L3MBTL3: variants seen among roughly 807,000 people sequenced by gnomAD.
L3MBTL3 encodes the protein L3MBTL histone methyl-lysine binding protein 3.
Under a neutral mutation model 102.3 loss-of-function variants are expected in L3MBTL3, and 27 were observed. That is an observed-to-expected ratio of 0.26 (90% CI 0.19 to 0.36). The LOEUF is 0.36. L3MBTL3 is among the 10% of genes least tolerant of loss of function. L3MBTL3 has a pLI of 1.00. For synonymous variants in L3MBTL3, 340 were observed against 320.9 expected, an observed-to-expected ratio of 1.06 and a Z score of -0.64; for missense variants, 798 against 955.3, an observed-to-expected ratio of 0.84 and a Z score of 2.17.
intron 7 of L3MBTL3, 56 bp from the exon 8 acceptor site, chr6:130,055,115 T>C: frequency 7.7e-7 from 1 of 1,301,094 alleles, no homozygotes; most frequent in South Asian, 1.2e-5. Context: ...TCTCTAACTA[T>C]TCACTGGTGC....
chr6:130,112,388 ACTC>A lies in L3MBTL3; in HGVS notation c.1886+7816_1886+7818del, dbSNP rs373073885. On this transcript the variant is annotated intron_variant, in intron 19 of 22. Coordinates refer to ENST00000361794, the MANE Select transcript of L3MBTL3 (RefSeq NM_032438.4). ...TGTATAACATTTCTGTTCAGTTAAA[ACTC>A]CTACACTTTGAACTGTGAGATCACC... is the stretch of plus-strand genomic sequence containing the variant. 1.8e-4 allele frequency among the ~76,000 whole-genome samples: 27 copies of A among 152,032 alleles called. No individual in the cohort carries two copies. The East Asian group carries it at 4.8e-3, about 27-fold the overall frequency.
At chr6:130,104,258 T>C (rs1784859955) in intron 18 of L3MBTL3, among the ~76,000 whole-genome samples, 168 bp from the exon 19 acceptor site, 1 of 152,226 alleles carries the variant, frequency 6.6e-6, no homozygotes, top group South Asian at 2.1e-4. Context: ...TTTGTTATGT[T>C]TTAAAGATAA....
At chr6:130,041,184 G>A (rs1226369886) in intron 2 of L3MBTL3, among the ~76,000 whole-genome samples, 2 of 152,110 alleles carry the variant, frequency 1.3e-5, no homozygotes, top group Non-Finnish European at 2.9e-5. Context: ...ATATCTTTGT[G>A]GTATGATTTA....
chr6:130,074,193 A>T (rs1024879475), intron 13 of L3MBTL3, among the ~76,000 whole-genome samples: 3 of 152,300 alleles, frequency 2.0e-5, no homozygotes, highest in African/African-American at 7.2e-5. Context: ...TTTTTACATT[A>T]GTGGGAATTT....
At chr6:130,128,370 C>T (rs1417483135) in intron 20 of L3MBTL3, among the ~76,000 whole-genome samples, 5 of 152,016 alleles carry the variant, frequency 3.3e-5, no homozygotes, top group Non-Finnish European at 5.9e-5. Context: ...TTGCAGAGCA[C>T]GTATTCCCAA....
chr6:130,097,587 G>GT (rs1203139725), intron 18 of L3MBTL3, among the ~76,000 whole-genome samples: 1 of 152,156 alleles, frequency 6.6e-6, no homozygotes, highest in Non-Finnish European at 1.5e-5. Flanking sequence ...CAGTGAAAGA[G>GT]TTGGAGATGG....
At position 130,046,149 on chromosome 6, in the gene L3MBTL3, G is replaced by A. The variant is rs1256474453; in HGVS notation, c.103-3133G>A. Among the ~76,000 whole-genome samples the A allele has an allele frequency of 2.0e-5, 3 of 152,202 alleles. No homozygotes were observed. In the South Asian group the frequency reaches 6.2e-4, roughly 32 times the overall value. On this transcript the variant is annotated intron_variant, in intron 3 of 22. Coordinates refer to ENST00000361794, the MANE Select transcript of L3MBTL3 (RefSeq NM_032438.4). Reference sequence around the variant, plus strand: ...GAGAATTATTCCTCTGGGTCATAATGTCTTTCGGAGTCTCTCAGTAAAATG... The same window carrying A: ...GAGAATTATTCCTCTGGGTCATAATATCTTTCGGAGTCTCTCAGTAAAATG...
At chr6:130,048,279 A>G (rs1780850449) in intron 3 of L3MBTL3, among the ~76,000 whole-genome samples, 1 of 152,172 alleles carries the variant, frequency 6.6e-6, no homozygotes, top group Admixed American at 6.5e-5. Context: ...ACATCTTACT[A>G]TCCTTTTGAA....
In L3MBTL3 at chr6:130,049,758, C is replaced by T. The variant is rs1401333545; in HGVS notation, c.217C>T (p.Pro73Ser). The T allele has an allele frequency of 3.7e-6, 6 of 1,613,958 alleles. No individual in the cohort carries two copies. The African/African-American group carries it at 6.7e-5, about 18-fold the overall frequency. Residue 73 changes from proline (P) to serine (S), a missense_variant and splice_region_variant, in exon 5 of 23, where the codon CCG becomes TCG. By Grantham distance (74) the Pro-to-Ser change is moderately conservative. Around this residue, in one of 4 missense-constraint regions of L3MBTL3, gnomAD observed 434 missense variants for 506.6 expected, o/e 0.86. Transcript: ENST00000361794. ...TWMVPTAQEA[P>S]TSPPSSRPVF... ...GACTCCTAAATCTACATCTCCAGCCCCGACCTCTCCCCCGAGCTCCAGGCC... is the reference window on the plus strand; with the variant it reads ...GACTCCTAAATCTACATCTCCAGCCTCGACCTCTCCCCCGAGCTCCAGGCC...
rs768008218 is a variant in L3MBTL3 at position 130,055,178 on chromosome 6, A to G, written c.590A>G (p.Lys197Arg). ...GEERDDEMEN[K>R]QDVRILRGSQ... The stretch of plus-strand genomic sequence containing the variant: ...TTTCCTTTCTTTTTGTAGGAGAACA[A>G]ACAAGATGTAAGAATCCTGAGGGGT... The change falls in exon 8 of 23, where the codon AAA (lysine) becomes AGA (arginine). Residue 197 changes from lysine to arginine, a missense_variant. By Grantham distance (26) the Lys-to-Arg change is conservative. This residue lies in a region of L3MBTL3 where 434 missense variants were observed against 506.6 expected (regional missense o/e 0.86). Coordinates refer to ENST00000361794, the MANE Select transcript of L3MBTL3 (RefSeq NM_032438.4). The G allele has an allele frequency of 5.6e-6, 9 of 1,613,460 alleles. No individual in the cohort carries two copies. The highest frequency in any genetic ancestry group is 1.3e-5 in the African/African-American group (1 of 74,890).
intron 2 of L3MBTL3, among the ~76,000 whole-genome samples, chr6:130,024,631 T>A: frequency 6.6e-6 from 1 of 152,184 alleles, no homozygotes; most frequent in East Asian, 1.9e-4. Context: ...ACTTACTTTA[T>A]GTGGTGGGTG....
chr6:130,116,779 C>T (rs1440067586), intron 19 of L3MBTL3, among the ~76,000 whole-genome samples: 3 of 151,844 alleles, frequency 2.0e-5, no homozygotes, highest in Admixed American at 1.3e-4. Flanking sequence ...ACACTTGCGC[C>T]TAAGCAGCTT....
At chr6:130,074,276 A>G (rs1181400040) in intron 13 of L3MBTL3, among the ~76,000 whole-genome samples, 2 of 152,194 alleles carry the variant, frequency 1.3e-5, no homozygotes, top group Non-Finnish European at 2.9e-5. Flanking sequence ...CTAACTTCCA[A>G]AGAGGAACAT....
chr6:130,052,741 T>G, intron 6 of L3MBTL3, 118 bp from the exon 7 acceptor site: 1 of 1,272,870 alleles, frequency 7.9e-7, no homozygotes, highest in Non-Finnish European at 1.1e-6. Context: ...TCCTGGTAGT[T>G]AAAGATTTTT....
At chr6:130,138,933 A>G (rs1294039721) in intron 22 of L3MBTL3, among the ~76,000 whole-genome samples, 3 of 152,188 alleles carry the variant, frequency 2.0e-5, no homozygotes, top group Admixed American at 6.6e-5. Flanking sequence ...TTTCAGAAGC[A>G]TAGACTTTTG....
intron 22 of L3MBTL3, 101 bp downstream of exon 22, chr6:130,134,006 T>TG: frequency 4.5e-6 from 4 of 885,866 alleles, no homozygotes; most frequent in Admixed American, 1.9e-5. Context: ...CAAAAAGAGA[T>TG]GGGGTGTGTT....
Position 130,041,534 on chromosome 6 carries a change from G to T in L3MBTL3, c.-15-1151G>T, listed in dbSNP as rs561592986. 2.6e-5 allele frequency among the ~76,000 whole-genome samples: 4 copies of T among 152,272 alleles called. No homozygotes were observed. The South Asian group carries it at 8.3e-4, about 32-fold the overall frequency. The stretch of plus-strand genomic sequence containing the variant: ...TGGTTTTCTTGAATCCTGAGAAGGT[G>T]ATCAATGAGGTGTTCTTGGTTTATT... On this transcript the variant is annotated intron_variant, in intron 2 of 22. Coordinates refer to ENST00000361794, the MANE Select transcript of L3MBTL3 (RefSeq NM_032438.4).
intron 1 of L3MBTL3, among the ~76,000 whole-genome samples, chr6:130,021,511 T>G (rs967969642): frequency 3.3e-5 from 5 of 152,260 alleles, no homozygotes; most frequent in African/African-American, 4.8e-5. Flanking sequence ...AACAATTGTT[T>G]GCTTTTGCAT....
chr6:130,046,922 A>G (rs1780759313), intron 3 of L3MBTL3, among the ~76,000 whole-genome samples: 1 of 152,324 alleles, frequency 6.6e-6, no homozygotes, highest in Non-Finnish European at 1.5e-5. Flanking sequence ...AGCAGGACCT[A>G]TCAACCTTTG....
Sources: gnomAD v4.1 joint callset for allele counts (sites outside exome capture counted in the v4.1 genomes callset) on GRCh38, gnomAD v4.1.1 for gene constraint, gnomAD v4.1.1 regional missense constraint, MANE v1.5 for transcripts, NCBI Gene and HGNC (gene_info 2026-07-23, HGNC 2026-07-21) for gene names.